HIVEP3: variants seen among roughly 807,000 people sequenced by gnomAD.
HIVEP3 encodes the protein transcription factor HIVEP3.
A neutral mutation model predicts 152.8 loss-of-function variants in HIVEP3; 49 were observed. The observed-to-expected ratio is 0.32, with a 90% confidence interval of 0.26 to 0.41. The LOEUF (loss-of-function observed/expected upper bound fraction) is 0.41. Among genes scored for constraint, HIVEP3 ranks in the 10% least tolerant of loss-of-function variants. HIVEP3 has a pLI of 1.00. For missense variants in HIVEP3, 2,790 were observed against 3,103.3 expected (o/e 0.90, Z 2.40); for synonymous variants, 1,269 against 1,289.0 (o/e 0.98, Z 0.33).
intron 1 of HIVEP3, among the ~76,000 whole-genome samples, chr1:41,878,845 C>T (rs954692222): frequency 2.0e-5 from 3 of 148,534 alleles, no homozygotes; most frequent in African/African-American, 7.5e-5. Flanking sequence ...TCCCCATCTC[C>T]TGCCCTCTCT....
rs1307723095 is a variant in HIVEP3 at position 41,972,271 on chromosome 1, ACAAGATC to A, written n.120-53754_120-53748del. 1.2e-4 allele frequency among the ~76,000 whole-genome samples: 18 copies of A among 152,194 alleles called. No homozygotes were observed. The East Asian group carries it at 3.5e-3, about 29-fold the overall frequency. ...TGCTATACTCCCACTGTACCCAGTA[ACAAGATC>A]CATGTCATGGTCCTTGCCATGTGGG... On this transcript the variant is annotated intron_variant and non_coding_transcript_variant, in intron 1 of 3. Transcript: ENST00000489103.
chr1:41,594,103 C>A (rs1644628801), intron 3 of HIVEP3, among the ~76,000 whole-genome samples: 1 of 152,230 alleles, frequency 6.6e-6, no homozygotes, highest in African/African-American at 2.4e-5. Flanking sequence ...TAAATCACAT[C>A]TACAAATTAT....
chr1:41,718,800 G>T (rs950759762), intron 1 of HIVEP3, among the ~76,000 whole-genome samples: 2 of 150,470 alleles, frequency 1.3e-5, no homozygotes, highest in African/African-American at 4.9e-5. Context: ...ACACACACGT[G>T]CACACACACA....
At chr1:41,597,886 C>T (rs1345159173) in intron 3 of HIVEP3, among the ~76,000 whole-genome samples, 1 of 152,236 alleles carries the variant, frequency 6.6e-6, no homozygotes, top group East Asian at 1.9e-4. Flanking sequence ...CTACACACAT[C>T]TACAAACAAG....
At chr1:41,746,791 C>G (rs1363847367) in intron 1 of HIVEP3, among the ~76,000 whole-genome samples, 2 of 152,216 alleles carry the variant, frequency 1.3e-5, no homozygotes, top group Non-Finnish European at 2.9e-5. Context: ...TTTGCATGCA[C>G]AGAGGACTGG....
At chr1:41,883,162 A>T (rs922748000) in intron 1 of HIVEP3, among the ~76,000 whole-genome samples, 4 of 152,094 alleles carry the variant, frequency 2.6e-5, no homozygotes, top group Non-Finnish European at 4.4e-5. Context: ...AAAAGAAAAA[A>T]ATATATAGAC....
intron 5 of HIVEP3, among the ~76,000 whole-genome samples, chr1:41,552,964 T>A (rs570924626): frequency 4.6e-5 from 7 of 152,340 alleles, no homozygotes; most frequent in Non-Finnish European, 4.4e-5. Context: ...CTGAGAAGAA[T>A]GTATATGCTG....
At chr1:41,909,590 A>T (rs1441879748) in intron 1 of HIVEP3, among the ~76,000 whole-genome samples, 1 of 152,012 alleles carries the variant, frequency 6.6e-6, no homozygotes. Context: ...ATCAGTAATG[A>T]TATAAAAGAC....
At chr1:41,606,050 A>G (rs1644818474) in intron 3 of HIVEP3, among the ~76,000 whole-genome samples, 1 of 149,578 alleles carries the variant, frequency 6.7e-6, no homozygotes, top group Non-Finnish European at 1.5e-5. Context: ...TAATCTCTCT[A>G]AAATCTGATG....
chr1:41,976,372 G>C (rs781385398), intron 1 of HIVEP3, among the ~76,000 whole-genome samples: 1 of 152,142 alleles, frequency 6.6e-6, no homozygotes, highest in Non-Finnish European at 1.5e-5. Context: ...AACACAACTC[G>C]GAACTCCCAA....
intron 1 of HIVEP3, among the ~76,000 whole-genome samples, chr1:41,935,670 CTT>C (rs1342799461): frequency 6.7e-6 from 1 of 150,104 alleles, no homozygotes; most frequent in East Asian, 1.9e-4. Context: ...GTAAAATATT[CTT>C]TTCTTTCCTG....
At chr1:41,868,217 G>A (rs1421117808) in intron 1 of HIVEP3, among the ~76,000 whole-genome samples, 2 of 130,160 alleles carry the variant, frequency 1.5e-5, no homozygotes, top group Non-Finnish European at 3.3e-5. Flanking sequence ...TTTTGGTCTT[G>A]TTTTTCTCAC....
At chr1:41,561,575 T>A (rs1419330967) in intron 5 of HIVEP3, among the ~76,000 whole-genome samples, 1 of 151,960 alleles carries the variant, frequency 6.6e-6, no homozygotes, top group Admixed American at 6.6e-5. Context: ...TGCAGTGATG[T>A]GATCATGGCT....
chr1:42,005,211 G>T (rs1645451639), intron 1 of HIVEP3, among the ~76,000 whole-genome samples: 1 of 152,094 alleles, frequency 6.6e-6, no homozygotes, highest in Non-Finnish European at 1.5e-5. Flanking sequence ...CCCTTCTAAA[G>T]ATCTATATAA....
chr1:41,555,298 G>A (rs1643948226), intron 5 of HIVEP3, among the ~76,000 whole-genome samples: 1 of 152,246 alleles, frequency 6.6e-6, no homozygotes, highest in South Asian at 2.1e-4. Flanking sequence ...GGGACCTGCT[G>A]AGCCAGGCGC....
At position 41,800,224 on chromosome 1, in the gene HIVEP3, G is replaced by C. The variant is rs1337770620; in HGVS notation, c.-800-99229C>G. Among the ~76,000 whole-genome samples, 4 of 152,194 alleles carry C rather than the reference G, an allele frequency of 2.6e-5. No individual in the cohort carries two copies. The South Asian group carries it at 8.3e-4, about 32-fold the overall frequency. On this transcript the variant is annotated intron_variant, in intron 1 of 8. Transcript: ENST00000372583. ...TGACTTTGCCCCTCCTTTCATCAGG[G>C]GTGGAGTCTATTTCTCCCTCCCCTG...
At chr1:41,711,153 T>A (rs994501911) in intron 1 of HIVEP3, among the ~76,000 whole-genome samples, 1 of 152,238 alleles carries the variant, frequency 6.6e-6, no homozygotes, top group Non-Finnish European at 1.5e-5. Context: ...TGGTCACAAG[T>A]TCCTGGCTTC....
chr1:41,691,680 G>T (rs1646200686), intron 2 of HIVEP3, among the ~76,000 whole-genome samples: 1 of 152,224 alleles, frequency 6.6e-6, no homozygotes, highest in African/African-American at 2.4e-5. Context: ...GTAAGAAATA[G>T]ATTTCTGTTT....
At chr1:41,518,814 T>G in intron 6 of HIVEP3, among the ~76,000 whole-genome samples, 1 of 139,070 alleles carries the variant, frequency 7.2e-6, no homozygotes, top group Non-Finnish European at 1.6e-5. Context: ...TCAAGTGCAA[T>G]AGGTTTTTTT....
Sources: allele counts gnomAD v4.1 joint callset (sites outside exome capture counted in the v4.1 genomes callset), GRCh38; gene constraint gnomAD v4.1.1; transcripts MANE v1.5; gene names NCBI Gene and HGNC (gene_info 2026-07-23, HGNC 2026-07-21).